COL21A1: variants seen among roughly 807,000 people sequenced by gnomAD.
COL21A1 encodes the protein collagen alpha-1(XXI) chain.
COL21A1 carries 149 observed loss-of-function variants against 137.9 expected under a neutral mutation model. The ratio of observed to expected loss-of-function variants is 1.08; its 90% CI spans 0.95 to 1.24. COL21A1 has a LOEUF of 1.24. Among genes scored for constraint, COL21A1 ranks in the 50% most tolerant of loss-of-function variants. COL21A1 has a pLI of 0.00. For missense variants in COL21A1, 1,167 were observed against 1,158.4 expected (o/e 1.01, Z -0.11); for synonymous variants, 456 against 391.5 (o/e 1.16, Z -1.95).
intron 3 of COL21A1, among the ~76,000 whole-genome samples, chr6:56,175,526 AT>A (rs1173074470): frequency 1.3e-5 from 2 of 152,058 alleles, no homozygotes; most frequent in East Asian, 1.9e-4. Context: ...AATTAAGAAA[AT>A]AATCTCATTT....
At chr6:56,301,863 C>T (rs1026559243) in intron 1 of COL21A1, among the ~76,000 whole-genome samples, 3 of 152,028 alleles carry the variant, frequency 2.0e-5, no homozygotes, top group African/African-American at 7.3e-5. Context: ...CTCCCCCCCC[C>T]AATCCCACAA....
intron 1 of COL21A1, among the ~76,000 whole-genome samples, chr6:56,270,055 T>G (rs1925188): frequency 0.15 from 22,899 of 152,082 alleles, 3,225 homozygotes; most frequent in East Asian, 0.61. Flanking sequence ...AGCAATACAA[T>G]GACAAAATAA....
chr6:56,290,504 T>TTTTTTC (rs1562041859), intron 1 of COL21A1, among the ~76,000 whole-genome samples: 1 of 147,474 alleles, frequency 6.8e-6, no homozygotes, highest in East Asian at 2.0e-4. Flanking sequence ...AGGAGATTTT[T>TTTTTTC]TTTTTTTTTT....
intron 1 of COL21A1, among the ~76,000 whole-genome samples, chr6:56,353,652 A>C (rs1243889065): frequency 6.6e-6 from 1 of 152,230 alleles, no homozygotes; most frequent in Non-Finnish European, 1.5e-5. Context: ...CTCTTCATCC[A>C]GTCATCCAAT....
At chr6:56,097,093 A>T (rs1349691168) in intron 17 of COL21A1, among the ~76,000 whole-genome samples, 1 of 152,172 alleles carries the variant, frequency 6.6e-6, no homozygotes, top group East Asian at 1.9e-4. Context: ...TCCAGACATC[A>T]GCAAATTTGA....
In COL21A1 at chr6:56,164,457, C is replaced by A; in HGVS notation, c.1337G>T (p.Cys446Phe). 6.3e-7 allele frequency: 1 copy of A among 1,590,420 alleles called. No homozygotes were observed. Among genetic ancestry groups the A allele is most frequent in the Non-Finnish European group, 8.6e-7 (1 of 1,167,444 alleles). ...DVGSTPAPCI[C>F]PPGKPGLQGP... is the part of the protein sequence containing the mutation. ...TTGAAGTCCTGGTTTTCCCGGAGGA[C>A]AAATACAGGGAGCTGGAGTTGAACC... The change falls in exon 9 of 30, where the codon TGT becomes TTT. Residue 446 changes from cysteine to phenylalanine, a missense_variant. Coordinates refer to ENST00000244728, the MANE Select transcript of COL21A1 (RefSeq NM_030820.4).
rs532374283 is a variant in COL21A1, at chr6:56,207,777, A to T, written c.-38-25121T>A. Reference sequence around the variant, plus strand: ...TATCCCTGATGAACATTGACACAAAAATCCTCAATAAAATACTGGCAAACT... The same window carrying T: ...TATCCCTGATGAACATTGACACAAATATCCTCAATAAAATACTGGCAAACT... On this transcript the variant is annotated intron_variant, in intron 1 of 29. Transcript: ENST00000244728. Among the ~76,000 whole-genome samples, 3 of 152,336 alleles carry T rather than the reference A, an allele frequency of 2.0e-5. No individual in the cohort carries two copies. In the South Asian group the frequency reaches 6.2e-4, roughly 32 times the overall value.
At chr6:56,225,545 T>C (rs761171190) in intron 1 of COL21A1, among the ~76,000 whole-genome samples, 3 of 152,044 alleles carry the variant, frequency 2.0e-5, no homozygotes, top group Non-Finnish European at 4.4e-5. Context: ...GCCTACAGGT[T>C]GCCACTTGGG....
At chr6:56,128,169 T>G (rs2152216911) in intron 12 of COL21A1, among the ~76,000 whole-genome samples, 1 of 152,296 alleles carries the variant, frequency 6.6e-6, no homozygotes, top group East Asian at 1.9e-4. Context: ...GTTTTTTGTT[T>G]GCTTGTTTTT....
intron 1 of COL21A1, among the ~76,000 whole-genome samples, chr6:56,360,889 C>T (rs1765950290): frequency 6.6e-6 from 1 of 152,148 alleles, no homozygotes; most frequent in Admixed American, 6.5e-5. Flanking sequence ...CACCTGAAGT[C>T]AGGAGTTCAA....
chr6:56,193,117 G>A (rs952725447), intron 1 of COL21A1, among the ~76,000 whole-genome samples: 1 of 152,112 alleles, frequency 6.6e-6, no homozygotes, highest in African/African-American at 2.4e-5. Flanking sequence ...GTTGAACAAT[G>A]AGAACACATG....
chr6:56,262,518 G>T (rs867978397), intron 1 of COL21A1, among the ~76,000 whole-genome samples: 18 of 152,162 alleles, frequency 1.2e-4, no homozygotes, highest in African/African-American at 4.1e-4. Context: ...AGGGCAAGAA[G>T]ACAGCAATGT....
intron 16 of COL21A1, among the ~76,000 whole-genome samples, chr6:56,115,980 AG>A (rs1165825858): frequency 6.6e-6 from 1 of 152,054 alleles, no homozygotes; most frequent in Non-Finnish European, 1.5e-5. Context: ...AAACAGTCAG[AG>A]GAGACAAATA....
At chr6:56,113,267 C>T (rs543087799) in intron 16 of COL21A1, among the ~76,000 whole-genome samples, 20 of 152,298 alleles carry the variant, frequency 1.3e-4, no homozygotes, top group African/African-American at 4.8e-4. Flanking sequence ...GACTGCAAAG[C>T]TCATGGATCC....
At chr6:56,227,670 T>G (rs551144046) in intron 1 of COL21A1, among the ~76,000 whole-genome samples, 2 of 152,064 alleles carry the variant, frequency 1.3e-5, no homozygotes, top group Non-Finnish European at 2.9e-5. Context: ...TTCCACAATA[T>G]GCACAGTCAT....
intron 1 of COL21A1, among the ~76,000 whole-genome samples, chr6:56,199,698 G>C (rs1325006187): frequency 4.6e-5 from 7 of 152,116 alleles, no homozygotes; most frequent in African/African-American, 1.4e-4. Flanking sequence ...AGGCCTGATT[G>C]GGTCATATGG....
chr6:56,159,198 T>C (rs1396496702), intron 9 of COL21A1, among the ~76,000 whole-genome samples: 3 of 152,204 alleles, frequency 2.0e-5, no homozygotes, highest in Non-Finnish European at 2.9e-5. Context: ...ACTCCATTTT[T>C]TCCTGGTGTC....
chr6:56,279,076 G>A (rs6920090), intron 1 of COL21A1, among the ~76,000 whole-genome samples: 57,903 of 151,882 alleles, frequency 0.38, 12,600 homozygotes, highest in African/African-American at 0.58. Flanking sequence ...GGATCACAGA[G>A]ATGTTTCTCA....
chr6:56,078,284 T>C, intron 17 of COL21A1: 1 of 449,712 alleles, frequency 2.2e-6, no homozygotes, highest in South Asian at 1.6e-5. Context: ...ATTGTCTGCC[T>C]TTTGATGCAT....
Sources: allele counts gnomAD v4.1 joint callset (sites outside exome capture counted in the v4.1 genomes callset), GRCh38; gene constraint gnomAD v4.1.1; transcripts MANE v1.5; gene names NCBI Gene and HGNC (gene_info 2026-07-23, HGNC 2026-07-21).